The following CUBN variants were observed in gnomAD, a reference collection of about 807,000 sequenced individuals.
CUBN encodes cubilin.
CUBN carries 282 observed loss-of-function variants against 405.3 expected under a neutral mutation model. The observed-to-expected ratio is 0.70, with a 90% CI of 0.63 to 0.77. The LOEUF is 0.77. CUBN is among the 30% of genes least tolerant of loss of function. The probability of loss-of-function intolerance (pLI) is 0.00; values close to 1 mark genes in which losing one functional copy is unlikely to be tolerated. For synonymous variants in CUBN, 1,684 were observed against 1,617.0 expected, an observed-to-expected ratio of 1.04 and a Z score of -0.99; for missense variants, 4,514 against 4,475.2, an observed-to-expected ratio of 1.01 and a Z score of -0.25.
In CUBN at chr10:16,940,243, T is replaced by G. The variant is rs776579478; in HGVS notation, c.5343-6A>C. ...AGTCTTCCAACTGGAAAGATCTGAT[T>G]TGGGGAAAAAAATATTTAAAGGGAT... On this transcript the variant is annotated splice_region_variant and splice_polypyrimidine_tract_variant and intron_variant, in intron 36 of 66. Transcript: ENST00000377833. The G allele has an allele frequency of 6.2e-7, 1 of 1,613,016 alleles. No homozygotes were observed. The highest frequency in any genetic ancestry group is 1.1e-5 in the South Asian group (1 of 91,052).
intron 59 of CUBN, among the ~76,000 whole-genome samples, chr10:16,860,002 T>C (rs944684769): frequency 6.6e-6 from 1 of 152,082 alleles, no homozygotes; most frequent in African/African-American, 2.4e-5. Context: ...TTCTAACATA[T>C]TAAGGTTGAA....
At chr10:16,891,987 C>T (rs11818753) in intron 54 of CUBN, among the ~76,000 whole-genome samples, 1,661 of 152,254 alleles carry the variant, frequency 0.011, 37 homozygotes, top group African/African-American at 0.038. Context: ...TCAACATTTT[C>T]TTCACATGGA....
intron 14 of CUBN, among the ~76,000 whole-genome samples, chr10:17,093,646 A>C (rs1335430358): frequency 6.6e-6 from 1 of 152,096 alleles, no homozygotes; most frequent in East Asian, 1.9e-4. Context: ...CCTGCTCACA[A>C]TAAAAACTGA....
chr10:16,952,189 C>A, intron 33 of CUBN, 87 bp downstream of exon 33: 1 of 909,732 alleles, frequency 1.1e-6, no homozygotes, highest in Non-Finnish European at 1.8e-6. Context: ...ATTGTTAGCA[C>A]TGAGATAAGA....
At chr10:17,124,080 G>A (rs1187417039) in intron 4 of CUBN, among the ~76,000 whole-genome samples, 1 of 152,138 alleles carries the variant, frequency 6.6e-6, no homozygotes, top group Non-Finnish European at 1.5e-5. Flanking sequence ...TGGAGATTCC[G>A]GTTATTTTAC....
chr10:17,116,981 G>GTATATA (rs1564521911), intron 6 of CUBN, among the ~76,000 whole-genome samples: 1 of 152,080 alleles, frequency 6.6e-6, no homozygotes, highest in African/African-American at 2.4e-5. Context: ...TACGACATCA[G>GTATATA]TATATATTTA....
rs552105282 is a variant in CUBN at position 16,841,854 on chromosome 10, A to G, written c.9664-807T>C. 4.2e-5 allele frequency among the ~76,000 whole-genome samples: 6 copies of G among 141,466 alleles called. No individual in the cohort carries two copies. The South Asian group carries it at 1.4e-3, about 32-fold the overall frequency. The allele number at this position is 141,466 out of a possible 152,430, so 92.8% of individuals were successfully genotyped here. On this transcript the variant is annotated intron_variant, in intron 60 of 66. Coordinates refer to ENST00000377833, the MANE Select transcript of CUBN (RefSeq NM_001081.4). ...CTTGAATCTAGGAGGTGGAGGTTAC[A>G]GTGAGCTGAGATGGTGCCACTACAC...
chr10:16,907,604 T>G lies in CUBN; in HGVS notation c.7609A>C (p.Lys2537Gln). 2 of 1,613,470 alleles carry G rather than the reference T, an allele frequency of 1.2e-6. No homozygotes were observed. The highest frequency in any genetic ancestry group is 1.7e-6 in the Non-Finnish European group (2 of 1,180,016). Residue 2537 changes from lysine to glutamine, a missense_variant, in exon 49 of 67, where the codon AAA becomes CAA. Coordinates refer to ENST00000377833, the MANE Select transcript of CUBN (RefSeq NM_001081.4). ...CSSVNVSNEI[K>Q]SSGNTMKVIF... is the part of the protein sequence containing the mutation. ...ACTTTCATTGTGTTTCCTGAAGATT[T>G]AATCTCATTGCTTACATTCACACTA...
intron 23 of CUBN, 68 bp downstream of exon 23, chr10:17,047,346 T>C (rs1242358680): frequency 1.5e-6 from 2 of 1,325,280 alleles, no homozygotes; most frequent in Admixed American, 3.6e-5. Context: ...TCCTTAATCT[T>C]CCTAGGAAAG....
chr10:16,890,895 T>C (rs372428672), intron 54 of CUBN, among the ~76,000 whole-genome samples: 1 of 152,112 alleles, frequency 6.6e-6, no homozygotes, highest in Non-Finnish European at 1.5e-5. Context: ...TCAGCCCTGC[T>C]CCTGGGAAGA....
intron 27 of CUBN, among the ~76,000 whole-genome samples, chr10:17,027,152 A>G (rs892481268): frequency 1.3e-5 from 2 of 152,204 alleles, no homozygotes; most frequent in Non-Finnish European, 2.9e-5. Context: ...AGAAGCCACA[A>G]TTTGAGTCTT....
intron 27 of CUBN, among the ~76,000 whole-genome samples, chr10:17,036,310 A>G (rs1408369068): frequency 6.6e-6 from 1 of 152,164 alleles, no homozygotes; most frequent in Non-Finnish European, 1.5e-5. Flanking sequence ...TGAAGCTAAA[A>G]TTCCGAGGTT....
At chr10:17,057,892 T>G (rs1835428388) in intron 22 of CUBN, among the ~76,000 whole-genome samples, 1 of 151,792 alleles carries the variant, frequency 6.6e-6, no homozygotes, top group Non-Finnish European at 1.5e-5. Context: ...GGAGGCCAAT[T>G]TGGGCAGATC....
chr10:16,913,994 T>A lies in CUBN; in HGVS notation c.7352-2A>T. The stretch of plus-strand genomic sequence containing the variant: ...AGCCCTGAAGATCCCCACCACACTC[T>A]GACGTGGGGAAAAAGCCAAGAAAAC... On this transcript the variant is annotated splice_acceptor_variant, in intron 47 of 66. Coordinates refer to ENST00000377833, the MANE Select transcript of CUBN (RefSeq NM_001081.4). LOFTEE classifies it high-confidence loss of function. The A allele has an allele frequency of 6.2e-7, 1 of 1,613,964 alleles. No homozygotes were observed. Among genetic ancestry groups the A allele is most frequent in the Non-Finnish European group, 8.5e-7 (1 of 1,180,014 alleles).
At position 16,869,774 on chromosome 10, in the gene CUBN, C is replaced by G. The variant is rs762381240; in HGVS notation, c.9316G>C (p.Asp3106His). The G allele has an allele frequency of 1.9e-6, 3 of 1,614,018 alleles. No individual in the cohort carries two copies. In the South Asian group the frequency reaches 3.3e-5, roughly 18 times the overall value. ...CCGCAGAATTTGCCAAGAAGGGGAT[C>G]GCTGGTATTGGCACCATCGTAAATT... ...LAIYDGANTS[D>H]PLLGKFCGSK... Residue 3106 changes from aspartate (D) to histidine (H), a missense_variant, in exon 59 of 67, where the codon GAT (aspartate) becomes CAT (histidine). By Grantham distance (81) the Asp-to-His change is moderately conservative. Around this residue, in one of 5 missense-constraint regions of CUBN, gnomAD observed 1,186 missense variants for 1,186.9 expected, o/e 1.00. Coordinates refer to ENST00000377833, the MANE Select transcript of CUBN (RefSeq NM_001081.4).
intron 6 of CUBN, among the ~76,000 whole-genome samples, 183 bp from the exon 7 acceptor site, chr10:17,115,780 G>A (rs1463656366): frequency 6.6e-6 from 1 of 152,200 alleles, no homozygotes; most frequent in Non-Finnish European, 1.5e-5. Flanking sequence ...TGCTCCAAGT[G>A]GTGGATTGAG....
At chr10:17,010,884 T>C (rs1195113190) in intron 28 of CUBN, among the ~76,000 whole-genome samples, 1 of 152,218 alleles carries the variant, frequency 6.6e-6, no homozygotes, top group Non-Finnish European at 1.5e-5. Flanking sequence ...CCTAAGTGTA[T>C]AATAGGGCTA....
chr10:16,964,805 T>A (rs1053521716), intron 31 of CUBN, among the ~76,000 whole-genome samples: 2 of 152,210 alleles, frequency 1.3e-5, no homozygotes, highest in African/African-American at 4.8e-5. Flanking sequence ...GGACGTGGCT[T>A]CTGTTTTAAG....
rs192628612 is a variant in CUBN, at chr10:17,092,315, C to A, written c.1766-3970G>T. ...AAATGGACTGACATCCCTCTACAAC[C>A]CTTAGGATTAAAGGTCCCCTTGTAA... On this transcript the variant is annotated intron_variant, in intron 14 of 66. Transcript: ENST00000377833. 5.3e-5 allele frequency among the ~76,000 whole-genome samples: 8 copies of A among 152,214 alleles called. No homozygotes were observed. In the East Asian group the frequency reaches 1.2e-3, roughly 22 times the overall value.
Sources: gnomAD v4.1 joint callset for allele counts (sites outside exome capture counted in the v4.1 genomes callset) on GRCh38, gnomAD v4.1.1 for gene constraint, gnomAD v4.1.1 regional missense constraint, MANE v1.5 for transcripts, NCBI Gene and HGNC (gene_info 2026-07-23, HGNC 2026-07-21) for gene names.